The following OSBP variants were observed in gnomAD, a reference collection of about 807,000 sequenced individuals.
OSBP encodes the protein oxysterol-binding protein 1.
In OSBP, 32 loss-of-function variants were observed where a neutral mutation model predicts 96.6. The observed-to-expected ratio is 0.33, with a 90% confidence interval of 0.25 to 0.45. The LOEUF (loss-of-function observed/expected upper bound fraction) is 0.45, where lower values mean the gene tolerates loss of function less well. OSBP is among the 20% of genes least tolerant of loss of function. The pLI is 1.00. For missense variants in OSBP, 653 were observed against 1,029.7 expected, an observed-to-expected ratio of 0.63 and a Z score of 5.01; for synonymous variants, 369 against 389.6, an observed-to-expected ratio of 0.95 and a Z score of 0.62.
chr11:59,610,368 C>G lies in OSBP; in HGVS notation c.571+13G>C. On this transcript the variant is annotated intron_variant, in intron 2 of 13. Coordinates refer to ENST00000263847, the MANE Select transcript of OSBP (RefSeq NM_002556.3). ...AAAGAAAGTTCCCCAGGCAGGTGTT[C>G]TTTGTTCCTGACCTGACTCTGCCAG... 1 of 1,611,300 alleles carries G rather than the reference C, an allele frequency of 6.2e-7. No homozygotes were observed. Among genetic ancestry groups the G allele is most frequent in the Non-Finnish European group, 8.5e-7 (1 of 1,178,866 alleles).
At chr11:59,588,406 G>A (rs142703664) in intron 9 of OSBP, among the ~76,000 whole-genome samples, 128 of 151,914 alleles carry the variant, frequency 8.4e-4, no homozygotes, top group African/African-American at 3.0e-3. Flanking sequence ...TGTGGAGGCG[G>A]GTACCTGTGA....
chr11:59,583,634 GTTTT>G lies in OSBP; in HGVS notation c.1679-2084_1679-2081del, dbSNP rs764596509. ...CCACCTAAACATATTCTAAATCTCT[GTTTT>G]TTTTTTTTTTTTTTTTTTTTTTCGA... On this transcript the variant is annotated intron_variant, in intron 9 of 13. Coordinates refer to ENST00000263847, the MANE Select transcript of OSBP (RefSeq NM_002556.3). Among the ~76,000 whole-genome samples, 27 of 64,316 alleles carry G rather than the reference GTTTT, an allele frequency of 4.2e-4. No individual in the cohort carries two copies. In the East Asian group the frequency reaches 9.2e-3, roughly 22 times the overall value. The allele number at this position is 64,316 out of a possible 152,430, so 42.2% of individuals were successfully genotyped here.
intron 9 of OSBP, among the ~76,000 whole-genome samples, chr11:59,592,169 G>C (rs1179535868): frequency 6.6e-6 from 1 of 152,172 alleles, no homozygotes; most frequent in East Asian, 1.9e-4. Context: ...TTCTGAAATT[G>C]TTAGCTGCAA....
In OSBP at chr11:59,608,632, T is replaced by C. The variant is rs762121813; in HGVS notation, c.674A>G (p.Asn225Ser). ...SSKVEDLSTCNDLIAKHGTAL... is the reference protein window; with the variant it reads ...SSKVEDLSTCSDLIAKHGTAL... Reference sequence around the variant, plus strand: ...TGTGCCATGCTTAGCTATCAAGTCATTGCACGTGCTCAAGTCCTCTACTTT... The same window carrying C: ...TGTGCCATGCTTAGCTATCAAGTCACTGCACGTGCTCAAGTCCTCTACTTT... Residue 225 changes from asparagine (N) to serine (S), a missense_variant, in exon 3 of 14, where the codon AAT (asparagine) becomes AGT (serine). Around this residue, in one of 6 missense-constraint regions of OSBP, gnomAD observed 308 missense variants for 573.1 expected, o/e 0.54. Coordinates refer to ENST00000263847, the MANE Select transcript of OSBP (RefSeq NM_002556.3). The C allele has an allele frequency of 2.5e-6, 4 of 1,614,172 alleles. No homozygotes were observed. The highest frequency in any genetic ancestry group is 2.5e-6 in the Non-Finnish European group (3 of 1,180,024).
At chr11:59,606,855 T>C (rs1374010203) in intron 3 of OSBP, among the ~76,000 whole-genome samples, 1 of 152,180 alleles carries the variant, frequency 6.6e-6, no homozygotes, top group Non-Finnish European at 1.5e-5. Context: ...GGATAAAAAA[T>C]GTATTTTAAG....
intron 9 of OSBP, among the ~76,000 whole-genome samples, chr11:59,582,618 T>TTG (rs1231340511): frequency 6.6e-6 from 1 of 152,176 alleles, no homozygotes; most frequent in Non-Finnish European, 1.5e-5. Flanking sequence ...CCTGAGGTAG[T>TTG]TGTGGGGACT....
chr11:59,580,756 T>A (rs1028296366), intron 10 of OSBP, among the ~76,000 whole-genome samples: 2 of 152,092 alleles, frequency 1.3e-5, no homozygotes, highest in Non-Finnish European at 2.9e-5. Context: ...TGTGCTCAAG[T>A]GATCCTCCCG....
At chr11:59,590,110 T>C (rs1860559167) in intron 9 of OSBP, among the ~76,000 whole-genome samples, 1 of 152,258 alleles carries the variant, frequency 6.6e-6, no homozygotes. Context: ...GCCTATTTTA[T>C]AGGGAGACTC....
At chr11:59,593,212 G>A (rs984527748) in intron 9 of OSBP, among the ~76,000 whole-genome samples, 1 of 152,138 alleles carries the variant, frequency 6.6e-6, no homozygotes, top group East Asian at 1.9e-4. Context: ...GAAAGCGGAA[G>A]GATTAGCTAA....
chr11:59,576,467 AG>A lies in OSBP; in HGVS notation c.*109del, dbSNP rs1411107778. ...GATTTGGAAAAAATGATTGGTCAAG[AG>A]AGACAAACTTGAGGAAAGCACTTGG... On this transcript the variant is annotated 3_prime_UTR_variant, in exon 14 of 14. Coordinates refer to ENST00000263847, the MANE Select transcript of OSBP (RefSeq NM_002556.3). The A allele has an allele frequency of 1.6e-6, 2 of 1,229,820 alleles. No homozygotes were observed. The highest frequency in any genetic ancestry group is 3.0e-5 in the African/African-American group (2 of 66,610). The allele number at this position is 1,229,820 out of a possible 1,614,324, so 76.2% of individuals were successfully genotyped here.
intron 7 of OSBP, among the ~76,000 whole-genome samples, chr11:59,597,173 C>T (rs558537766): frequency 6.6e-6 from 1 of 152,154 alleles, no homozygotes; most frequent in Non-Finnish European, 1.5e-5. Flanking sequence ...ATTCTCCTGC[C>T]TCAGCCTCCC....
Position 59,594,233 on chromosome 11 carries a change from G to C in OSBP, c.1334C>G (p.Ser445Cys), listed in dbSNP as rs1218687865. 1 of 1,614,100 alleles carries C rather than the reference G, an allele frequency of 6.2e-7. No homozygotes were observed. The highest frequency in any genetic ancestry group is 8.5e-7 in the Non-Finnish European group (1 of 1,179,964). ...PMPVNFNEPL[S>C]MLQRLTEDLE... ...ATCTTCAGTAAGGCGCTGAAGCATGGACAAGGGCTCATTAAAGTTTACCTG... is the reference window on the plus strand; with the variant it reads ...ATCTTCAGTAAGGCGCTGAAGCATGCACAAGGGCTCATTAAAGTTTACCTG... Residue 445 changes from serine to cysteine, a missense_variant, in exon 8 of 14, where the codon TCC becomes TGC. Physicochemically the swap from Ser to Cys is moderately radical, Grantham distance 112. This residue lies in a region of OSBP where 308 missense variants were observed against 573.1 expected (regional missense o/e 0.54). Coordinates refer to ENST00000263847, the MANE Select transcript of OSBP (RefSeq NM_002556.3).
At chr11:59,599,409 T>C (rs957145387) in intron 7 of OSBP, among the ~76,000 whole-genome samples, 1 of 152,056 alleles carries the variant, frequency 6.6e-6, no homozygotes, top group African/African-American at 2.4e-5. Context: ...CTGATATATT[T>C]TGAATTTTTT....
At chr11:59,586,908 A>T (rs962129564) in intron 9 of OSBP, among the ~76,000 whole-genome samples, 2 of 152,184 alleles carry the variant, frequency 1.3e-5, no homozygotes, top group Admixed American at 6.5e-5. Context: ...AAGACCTAAA[A>T]CTATAAAACT....
chr11:59,599,905 A>G (rs1477151833), intron 7 of OSBP, among the ~76,000 whole-genome samples: 1 of 152,200 alleles, frequency 6.6e-6, no homozygotes, highest in Non-Finnish European at 1.5e-5. Flanking sequence ...GATGAAAGCA[A>G]TGAAGATCCA....
intron 9 of OSBP, among the ~76,000 whole-genome samples, chr11:59,581,899 A>G (rs1420756691): frequency 6.6e-6 from 1 of 152,218 alleles, no homozygotes; most frequent in Non-Finnish European, 1.5e-5. Flanking sequence ...TGCATTATGG[A>G]AGGAGCACAC....
chr11:59,577,125 C>G, intron 12 of OSBP, 100 bp from the exon 13 acceptor site: 2 of 912,116 alleles, frequency 2.2e-6, no homozygotes, highest in Non-Finnish European at 1.7e-6. Context: ...ATCACCAAGG[C>G]TGTTCTACAA....
chr11:59,583,634 GTTTTTTTTTT>G lies in OSBP; in HGVS notation c.1679-2090_1679-2081del, dbSNP rs764596509. ...CCACCTAAACATATTCTAAATCTCT[GTTTTTTTTTT>G]TTTTTTTTTTTTTTTTCGAGATGGA... is the stretch of plus-strand genomic sequence containing the variant. On this transcript the variant is annotated intron_variant, in intron 9 of 13. Coordinates refer to ENST00000263847, the MANE Select transcript of OSBP (RefSeq NM_002556.3). Among the ~76,000 whole-genome samples, 7 of 64,320 alleles carry G rather than the reference GTTTTTTTTTT, an allele frequency of 1.1e-4. No individual in the cohort carries two copies. In the East Asian group the frequency reaches 1.7e-3, roughly 16 times the overall value. The allele number at this position is 64,320 out of a possible 152,430, so 42.2% of individuals were successfully genotyped here.
intron 2 of OSBP, among the ~76,000 whole-genome samples, chr11:59,609,999 A>G (rs1181166320): frequency 6.6e-6 from 1 of 152,236 alleles, no homozygotes; most frequent in East Asian, 1.9e-4. Flanking sequence ...GCCAATTAAA[A>G]GGCAAAAGAA....
Sources: gnomAD v4.1 joint callset for allele counts (sites outside exome capture counted in the v4.1 genomes callset) on GRCh38, gnomAD v4.1.1 for gene constraint, gnomAD v4.1.1 regional missense constraint, MANE v1.5 for transcripts, NCBI Gene and HGNC (gene_info 2026-07-23, HGNC 2026-07-21) for gene names.